The following NRXN1 variants were observed in gnomAD, a reference collection of about 807,000 sequenced individuals.
NRXN1 encodes the protein neurexin-1.
In NRXN1, 39 loss-of-function variants were observed where a neutral mutation model predicts 150.9. That is an observed-to-expected ratio of 0.26 (90% CI 0.20 to 0.34). NRXN1 has a LOEUF of 0.34. NRXN1 is among the 10% of genes least tolerant of loss of function. The pLI is 1.00. For synonymous variants in NRXN1, 924 were observed against 757.0 expected, an observed-to-expected ratio of 1.22 and a Z score of -3.62; for missense variants, 1,815 against 1,949.9, an observed-to-expected ratio of 0.93 and a Z score of 1.30.
chr2:50,274,968 G>C lies in NRXN1; in HGVS notation c.3365-37998C>G, dbSNP rs576458079. Among the ~76,000 whole-genome samples, 7 of 152,280 alleles carry C rather than the reference G, an allele frequency of 4.6e-5. No individual in the cohort carries two copies. In the South Asian group the frequency reaches 1.0e-3, roughly 23 times the overall value. ...GGCATGTGTTACAAAATTGATGTCA[G>C]ATAGCTTAGAAGACTTCATATGTTT... is the stretch of plus-strand genomic sequence containing the variant. On this transcript the variant is annotated intron_variant, in intron 17 of 22. Coordinates refer to ENST00000401669, the MANE Select transcript of NRXN1 (RefSeq NM_001330078.2).
At chr2:50,603,161 G>C (rs1048768621) in intron 8 of NRXN1, among the ~76,000 whole-genome samples, 1 of 152,176 alleles carries the variant, frequency 6.6e-6, no homozygotes, top group African/African-American at 2.4e-5. Flanking sequence ...AGAATACAGA[G>C]AGGCATGGAG....
chr2:50,434,217 G>A (rs992409643), intron 17 of NRXN1, among the ~76,000 whole-genome samples: 9 of 147,992 alleles, frequency 6.1e-5, no homozygotes, highest in African/African-American at 2.0e-4. Context: ...CCGCCACCAT[G>A]CCCGGCTAAT....
At chr2:50,016,369 A>G (rs1686597784) in intron 21 of NRXN1, 1 of 152,184 alleles carries the variant, frequency 6.6e-6, no homozygotes, top group South Asian at 2.1e-4. Flanking sequence ...AGAAATGGCT[A>G]CCATTTCTTT....
intron 5 of NRXN1, among the ~76,000 whole-genome samples, chr2:50,719,701 CAAT>C (rs1696378879): frequency 6.6e-6 from 1 of 151,746 alleles, no homozygotes; most frequent in Non-Finnish European, 1.5e-5. Context: ...ACAACAACAA[CAAT>C]AACAACAATC....
intron 8 of NRXN1, among the ~76,000 whole-genome samples, chr2:50,601,862 T>C (rs920916599): frequency 6.6e-6 from 1 of 152,194 alleles, no homozygotes. Context: ...TTCTGTTTCA[T>C]GGGTTAGTCA....
intron 5 of NRXN1, among the ~76,000 whole-genome samples, chr2:50,921,551 G>A (rs895751508): frequency 1.3e-5 from 2 of 151,596 alleles, no homozygotes; most frequent in Admixed American, 1.3e-4. Flanking sequence ...CATATTTACA[G>A]TTCCTACACT....
intron 5 of NRXN1, among the ~76,000 whole-genome samples, chr2:50,848,076 CTAAG>C (rs895362777): frequency 6.6e-6 from 1 of 152,146 alleles, no homozygotes; most frequent in African/African-American, 2.4e-5. Context: ...AGACGGCAAA[CTAAG>C]AGAGCATCAT....
At chr2:50,958,875 C>A (rs914593895) in intron 2 of NRXN1, among the ~76,000 whole-genome samples, 2 of 152,128 alleles carry the variant, frequency 1.3e-5, no homozygotes, top group African/African-American at 4.8e-5. Flanking sequence ...AACTGTCCTT[C>A]TATTTCTAGT....
At chr2:50,676,625 G>GCTAA (rs1157311983) in intron 5 of NRXN1, among the ~76,000 whole-genome samples, 1 of 152,100 alleles carries the variant, frequency 6.6e-6, no homozygotes, top group Non-Finnish European at 1.5e-5. Flanking sequence ...CCATGCATAT[G>GCTAA]CTAACCATTC....
intron 5 of NRXN1, among the ~76,000 whole-genome samples, chr2:50,752,611 C>A (rs1458334490): frequency 1.3e-5 from 2 of 151,552 alleles, no homozygotes; most frequent in African/African-American, 4.8e-5. Context: ...GAGGCAACTT[C>A]AGAAAGCTTT....
At chr2:50,021,115 A>G (rs1045713652) in intron 21 of NRXN1, among the ~76,000 whole-genome samples, 2 of 152,238 alleles carry the variant, frequency 1.3e-5, no homozygotes, top group African/African-American at 4.8e-5. Context: ...AAGCTTTTGC[A>G]AAGTGTTGAA....
chr2:50,328,272 C>T (rs966080736), intron 17 of NRXN1, among the ~76,000 whole-genome samples: 1 of 151,676 alleles, frequency 6.6e-6, no homozygotes, highest in Non-Finnish European at 1.5e-5. Flanking sequence ...TATGTGTGGC[C>T]CAAGACAATT....
At chr2:50,832,049 G>T (rs1671480027) in intron 5 of NRXN1, among the ~76,000 whole-genome samples, 1 of 152,142 alleles carries the variant, frequency 6.6e-6, no homozygotes, top group African/African-American at 2.4e-5. Flanking sequence ...TAAAGATTTT[G>T]AGTGAGGCAA....
chr2:50,715,348 A>T (rs1695731502), intron 5 of NRXN1, among the ~76,000 whole-genome samples: 1 of 152,124 alleles, frequency 6.6e-6, no homozygotes, highest in Non-Finnish European at 1.5e-5. Flanking sequence ...GTTGTGTGAC[A>T]TTGGGGAACC....
At chr2:50,491,482 G>T (rs1482865447) in intron 15 of NRXN1, among the ~76,000 whole-genome samples, 11 of 152,198 alleles carry the variant, frequency 7.2e-5, no homozygotes, top group African/African-American at 2.7e-4. Context: ...GTTGCCTTCA[G>T]GGTGAGATTT....
Position 50,503,681 on chromosome 2 carries a change from T to A in NRXN1, c.2497+2814A>T, listed in dbSNP as rs1416529398. Among the ~76,000 whole-genome samples the A allele has an allele frequency of 2.0e-5, 3 of 152,094 alleles. No homozygotes were observed. In the East Asian group the frequency reaches 5.8e-4, roughly 29 times the overall value. On this transcript the variant is annotated intron_variant, in intron 13 of 22. Transcript: ENST00000401669. ...AGTGCTGGAGTTTGAAAATAATCAT[T>A]TTTTGTAACTCTCAGAGTAAAGATT...
chr2:50,409,392 G>C (rs1473111894), intron 17 of NRXN1, among the ~76,000 whole-genome samples: 1 of 152,174 alleles, frequency 6.6e-6, no homozygotes, highest in African/African-American at 2.4e-5. Context: ...TTGGCTTCTA[G>C]TGGTCTTGGG....
chr2:50,640,782 A>T (rs573886916), intron 5 of NRXN1, among the ~76,000 whole-genome samples: 82 of 152,282 alleles, frequency 5.4e-4, no homozygotes, highest in African/African-American at 1.8e-3. Context: ...GTTGTTTTCA[A>T]TTTTTTCTAA....
At chr2:50,412,738 G>T (rs1358976883) in intron 17 of NRXN1, among the ~76,000 whole-genome samples, 1 of 151,998 alleles carries the variant, frequency 6.6e-6, no homozygotes, top group African/African-American at 2.4e-5. Flanking sequence ...AACACTCAGG[G>T]TATGCAGATA....
Sources: gnomAD v4.1 joint callset for allele counts (sites outside exome capture counted in the v4.1 genomes callset) on GRCh38, gnomAD v4.1.1 for gene constraint, MANE v1.5 for transcripts, NCBI Gene and HGNC (gene_info 2026-07-23, HGNC 2026-07-21) for gene names.